The following ADAM9 variants were observed in gnomAD, a reference collection of about 807,000 sequenced individuals.
ADAM9 encodes disintegrin and metalloproteinase domain-containing protein 9.
In ADAM9, 54 loss-of-function variants were observed where a neutral mutation model predicts 108.1. That is an observed-to-expected ratio of 0.50 (90% confidence interval 0.40 to 0.63). ADAM9 has a LOEUF of 0.63. Among genes scored for constraint, ADAM9 ranks in the 20% least tolerant of loss-of-function variants. The pLI is 0.00. For missense variants in ADAM9, 830 were observed against 997.7 expected (o/e 0.83, Z 2.26); for synonymous variants, 316 against 336.0 (o/e 0.94, Z 0.65).
intron 20 of ADAM9, among the ~76,000 whole-genome samples, chr8:39,101,646 T>G (rs1278664041): frequency 6.6e-6 from 1 of 152,180 alleles, no homozygotes; most frequent in Non-Finnish European, 1.5e-5. Flanking sequence ...TGTTTAGACT[T>G]GGGTCCCGTC....
chr8:39,036,866 ATTT>A (rs113532674), intron 11 of ADAM9, among the ~76,000 whole-genome samples: 2 of 142,678 alleles, frequency 1.4e-5, no homozygotes, highest in Admixed American at 7.0e-5. Flanking sequence ...ATGTGGGTGA[ATTT>A]TTTTTTTTTT....
At chr8:39,001,731 G>T (rs1012025043) in intron 1 of ADAM9, among the ~76,000 whole-genome samples, 1 of 150,926 alleles carries the variant, frequency 6.6e-6, no homozygotes, top group Non-Finnish European at 1.5e-5. Context: ...GCAATGGCTC[G>T]ATCTCAGCTC....
intron 11 of ADAM9, among the ~76,000 whole-genome samples, chr8:39,028,683 T>C (rs144243062): frequency 2.0e-5 from 3 of 152,320 alleles, no homozygotes; most frequent in African/African-American, 7.2e-5. Flanking sequence ...CCTGCCAGAC[T>C]TTGTTCTCAG....
intron 11 of ADAM9, among the ~76,000 whole-genome samples, chr8:39,038,179 C>G (rs537452025): frequency 1.3e-5 from 2 of 152,276 alleles, no homozygotes; most frequent in Non-Finnish European, 2.9e-5. Flanking sequence ...GTATGGTGAT[C>G]CTATTAAAAC....
In ADAM9 at chr8:39,091,129, G is replaced by A. The variant is rs890656066; in HGVS notation, c.2211-130G>A. On this transcript the variant is annotated intron_variant, in intron 19 of 21. Coordinates refer to ENST00000487273, the MANE Select transcript of ADAM9 (RefSeq NM_003816.3). ...TTAAAATGCCCTAAAAATTTAAACC[G>A]TATCATGATTATCATCCCCACCACT... 8 of 865,576 alleles carry A rather than the reference G, an allele frequency of 9.2e-6. No individual in the cohort carries two copies. In the African/African-American group the frequency reaches 1.0e-4, roughly 11 times the overall value. The allele number at this position is 865,576 out of a possible 1,614,324, so 53.6% of individuals were successfully genotyped here. A position where few individuals can be genotyped will look rare whatever the true frequency, so the allele number is the denominator to read the frequency against.
intron 16 of ADAM9, among the ~76,000 whole-genome samples, chr8:39,081,621 TCCTATTTAAAAATTAA>T (rs1839027455): frequency 6.6e-6 from 1 of 152,216 alleles, no homozygotes; most frequent in African/African-American, 2.4e-5. Context: ...ATCATATATG[TCCTATTTAAAAATTAA>T]TGGAAAATTG....
intron 1 of ADAM9, among the ~76,000 whole-genome samples, chr8:39,000,267 C>T (rs1835954881): frequency 6.6e-6 from 1 of 152,220 alleles, no homozygotes; most frequent in African/African-American, 2.4e-5. Flanking sequence ...GCTGAGACTA[C>T]AGGCATGAGC....
intron 12 of ADAM9, among the ~76,000 whole-genome samples, chr8:39,052,855 AGTAGAATGACTTG>A (rs911117838): frequency 3.9e-5 from 6 of 152,296 alleles, no homozygotes; most frequent in African/African-American, 1.4e-4. Flanking sequence ...AATGTCCCGG[AGTAGAATGACTTG>A]GTTAGATGGT....
At chr8:39,082,147 T>C (rs933654815) in intron 16 of ADAM9, among the ~76,000 whole-genome samples, 6 of 152,158 alleles carry the variant, frequency 3.9e-5, no homozygotes, top group African/African-American at 1.4e-4. Context: ...AGATTTTATC[T>C]TGTCAACAAA....
At chr8:39,089,426 A>T (rs1588428814) in intron 18 of ADAM9, among the ~76,000 whole-genome samples, 1 of 152,342 alleles carries the variant, frequency 6.6e-6, no homozygotes, top group African/African-American at 2.4e-5. Context: ...TGTAACCATT[A>T]CTATTGAAAG....
intron 16 of ADAM9, among the ~76,000 whole-genome samples, chr8:39,080,323 A>G (rs1266025003): frequency 6.6e-6 from 1 of 152,190 alleles, no homozygotes; most frequent in African/African-American, 2.4e-5. Flanking sequence ...TATTGGCTTT[A>G]GATTCCAGGT....
rs1211684559 is a variant in ADAM9 at position 39,103,867 on chromosome 8, G to T, written c.*167G>T. ...AAAACAGAAACTGAGTGTGAGAGTT[G>T]TGAAATACAAGGAAATGCAGTAAAG... On this transcript the variant is annotated 3_prime_UTR_variant, in exon 22 of 22. Transcript: ENST00000487273. 1.4e-6 allele frequency: 1 copy of T among 729,170 alleles called. No homozygotes were observed. Among genetic ancestry groups the T allele is most frequent in the East Asian group, 2.7e-5 (1 of 37,308 alleles). The allele number at this position is 729,170 out of a possible 1,614,324, so 45.2% of individuals were successfully genotyped here.
chr8:39,045,124 GTGCATACATACATA>G (rs1837626613), intron 12 of ADAM9, among the ~76,000 whole-genome samples: 15 of 83,158 alleles, frequency 1.8e-4, no homozygotes, highest in African/African-American at 9.0e-4. Flanking sequence ...ATATGTGTGT[GTGCATACATACATA>G]TATGTGTATA....
chr8:39,024,769 G>A (rs1836865828), intron 9 of ADAM9, among the ~76,000 whole-genome samples: 1 of 152,208 alleles, frequency 6.6e-6, no homozygotes, highest in Admixed American at 6.5e-5. Flanking sequence ...GGCTATACAT[G>A]TGATAAATAA....
chr8:39,080,917 G>C (rs1474976375), intron 16 of ADAM9, among the ~76,000 whole-genome samples: 1 of 150,652 alleles, frequency 6.6e-6, no homozygotes, highest in Non-Finnish European at 1.5e-5. Flanking sequence ...AGTAGTATGT[G>C]AGAGGATGGT....
At chr8:39,035,674 G>A (rs113505562) in intron 11 of ADAM9, among the ~76,000 whole-genome samples, 11 of 151,956 alleles carry the variant, frequency 7.2e-5, no homozygotes, top group African/African-American at 1.2e-4. Flanking sequence ...AACATTAGCC[G>A]GGCATGGTGG....
At chr8:39,037,456 G>GTTT (rs1235669916) in intron 11 of ADAM9, among the ~76,000 whole-genome samples, 5 of 126,060 alleles carry the variant, frequency 4.0e-5, no homozygotes, top group African/African-American at 1.5e-4. Context: ...GTGTGTGTGT[G>GTTT]TGTTTTTTTT....
At chr8:39,000,515 G>A (rs1275698973) in intron 1 of ADAM9, among the ~76,000 whole-genome samples, 1 of 151,634 alleles carries the variant, frequency 6.6e-6, no homozygotes, top group Admixed American at 6.6e-5. Flanking sequence ...AGGCTGGAGT[G>A]CAGTGGAACA....
rs77773983 is a variant in ADAM9, at chr8:39,090,097, G to A, written c.2119G>A (p.Val707Ile). Residue 707 changes from valine to isoleucine, a missense_variant, in exon 19 of 22, where the codon GTT becomes ATT. Around this residue, in one of 3 missense-constraint regions of ADAM9, gnomAD observed 238 missense variants for 235.7 expected, o/e 1.01. Coordinates refer to ENST00000487273, the MANE Select transcript of ADAM9 (RefSeq NM_003816.3). The part of the protein sequence containing the change: ...DGLLVFFFLI[V>I]PLIVCAIFIF... ...ACTTCTGGTCTTCTTCTTCCTAATT[G>A]TTCCCCTTATTGTCTGTGCTATTTT... The A allele has an allele frequency of 3.7e-6, 6 of 1,613,764 alleles. No individual in the cohort carries two copies. The highest frequency in any genetic ancestry group is 4.5e-5 in the East Asian group (2 of 44,832).
Sources: allele counts gnomAD v4.1 joint callset (sites outside exome capture counted in the v4.1 genomes callset), GRCh38; gene constraint gnomAD v4.1.1; regional missense constraint gnomAD v4.1.1; transcripts MANE v1.5; gene names NCBI Gene and HGNC (gene_info 2026-07-23, HGNC 2026-07-21).